Variants in NOL10 observed in about 807,000 individuals in gnomAD.
The protein encoded by NOL10 is nucleolar protein 10, also known as H_NH0074G24.1.
In NOL10, 58 loss-of-function variants were observed where a neutral mutation model predicts 103.5. The ratio of observed to expected loss-of-function variants is 0.56; its 90% CI spans 0.45 to 0.70. The LOEUF is 0.70. Among genes scored for constraint, NOL10 ranks in the 30% least tolerant of loss-of-function variants. NOL10 has a pLI of 0.00. For missense variants in NOL10, 763 were observed against 807.3 expected, an observed-to-expected ratio of 0.95 and a Z score of 0.67; for synonymous variants, 287 against 282.5, an observed-to-expected ratio of 1.02 and a Z score of -0.16.
At chr2:10,630,199 C>T (rs1677741434) in intron 13 of NOL10, among the ~76,000 whole-genome samples, 1 of 152,220 alleles carries the variant, frequency 6.6e-6, no homozygotes, top group Non-Finnish European at 1.5e-5. Context: ...TATATCCATT[C>T]TACATAAATG....
chr2:10,671,401 TTTC>T (rs1040576964), intron 6 of NOL10, among the ~76,000 whole-genome samples, 150 bp downstream of exon 6: 154 of 146,692 alleles, frequency 1.0e-3, no homozygotes, highest in African/African-American at 3.9e-3. Context: ...TATCCTGTGT[TTTC>T]TTTTCTTTTT....
intron 13 of NOL10, among the ~76,000 whole-genome samples, chr2:10,628,680 A>G (rs1367139573): frequency 6.6e-6 from 1 of 152,196 alleles, no homozygotes; most frequent in Non-Finnish European, 1.5e-5. Flanking sequence ...CAGATACAGC[A>G]GGAGACTTGC....
At chr2:10,630,542 C>T (rs940743151) in intron 13 of NOL10, among the ~76,000 whole-genome samples, 1 of 152,116 alleles carries the variant, frequency 6.6e-6, no homozygotes. Flanking sequence ...GAAACCCCGT[C>T]TCTACCAAAA....
At chr2:10,658,805 C>T (rs536540668) in intron 10 of NOL10, among the ~76,000 whole-genome samples, 47 of 152,264 alleles carry the variant, frequency 3.1e-4, no homozygotes, top group African/African-American at 8.9e-4. Context: ...TGGCCAAGCC[C>T]GGTGGCTCAC....
Position 10,689,913 on chromosome 2 carries a change from G to C in NOL10, c.-52C>G, listed in dbSNP as rs1190259083. ...CGGGTCCTTTCCCACCAGCGTGCTCGAGCACCGTAATCCCGGGACCTCCGA... is the reference window on the plus strand; with the variant it reads ...CGGGTCCTTTCCCACCAGCGTGCTCCAGCACCGTAATCCCGGGACCTCCGA... On this transcript the variant is annotated 5_prime_UTR_variant, in exon 1 of 21. Coordinates refer to ENST00000381685, the MANE Select transcript of NOL10 (RefSeq NM_024894.4). 2.6e-6 allele frequency: 4 copies of C among 1,541,070 alleles called. No homozygotes were observed. Among genetic ancestry groups the C allele is most frequent in the Middle Eastern group, 1.7e-4 (1 of 5,948 alleles).
At position 10,646,788 on chromosome 2, in the gene NOL10, TG is replaced by T. The variant is rs771638237; in HGVS notation, c.974-2417del. ...TCTACCAATTCCAAGGCTCATAACA[TG>T]GGACTCTGACACTTCATCAACTAAG... is the stretch of plus-strand genomic sequence containing the variant. On this transcript the variant is annotated intron_variant, in intron 12 of 20. Coordinates refer to ENST00000381685, the MANE Select transcript of NOL10 (RefSeq NM_024894.4). Among the ~76,000 whole-genome samples, 156 of 152,298 alleles carry T rather than the reference TG, an allele frequency of 1.0e-3. 1 individual carries two copies. Among genetic ancestry groups the T allele is most frequent in the Middle Eastern group, 3.4e-3 (1 of 294 alleles).
chr2:10,647,111 T>C (rs1044328328), intron 12 of NOL10, among the ~76,000 whole-genome samples: 1 of 152,214 alleles, frequency 6.6e-6, no homozygotes, highest in African/African-American at 2.4e-5. Context: ...CTATACATTT[T>C]TAAAGGAAGG....
intron 8 of NOL10, among the ~76,000 whole-genome samples, chr2:10,666,223 C>CT (rs1218862951): frequency 1.3e-5 from 2 of 152,054 alleles, no homozygotes; most frequent in African/African-American, 2.4e-5. Flanking sequence ...TTCTTTCATT[C>CT]TTTTTTGTGG....
chr2:10,685,508 G>T (rs56032636), intron 1 of NOL10, among the ~76,000 whole-genome samples: 2 of 3,912 alleles, frequency 5.1e-4, no homozygotes, highest in Middle Eastern at 0.1. Context: ...CCCCCCCCCC[G>T]CCAAAAAAAA....
chr2:10,636,437 A>C (rs1678228853), intron 13 of NOL10, among the ~76,000 whole-genome samples: 5 of 150,226 alleles, frequency 3.3e-5, no homozygotes, highest in Admixed American at 6.6e-5. Context: ...AAAAAAAAAA[A>C]AAAAAAAAAC....
At position 10,660,093 on chromosome 2, in the gene NOL10, G is replaced by A. The variant is rs144673416; in HGVS notation, c.678-843C>T. ...GGACAATATCACTATCAATCCTATCGTCCACATGCCCTTGGCCCAGGACCT... is the reference window on the plus strand; with the variant it reads ...GGACAATATCACTATCAATCCTATCATCCACATGCCCTTGGCCCAGGACCT... On this transcript the variant is annotated intron_variant, in intron 9 of 20. Transcript: ENST00000381685. Among the ~76,000 whole-genome samples, 653 of 152,162 alleles carry A rather than the reference G, an allele frequency of 4.3e-3. 9 individuals carry two copies. The highest frequency in any genetic ancestry group is 0.014 in the African/African-American group (594 of 41,516).
At chr2:10,636,559 A>G (rs1376949780) in intron 13 of NOL10, among the ~76,000 whole-genome samples, 5 of 151,760 alleles carry the variant, frequency 3.3e-5, no homozygotes, top group Admixed American at 3.3e-4. Context: ...GCAGTGAGCC[A>G]TGATCACACC....
chr2:10,653,665 G>A (rs75419580), intron 12 of NOL10, among the ~76,000 whole-genome samples: 30,726 of 151,892 alleles, frequency 0.2, 4,089 homozygotes, highest in Non-Finnish European at 0.3. Context: ...CACCCCAACC[G>A]AGCCCTCTGT....
chr2:10,636,420 CAAAAAAAAAA>C (rs70953327), intron 13 of NOL10, among the ~76,000 whole-genome samples: 3 of 54,696 alleles, frequency 5.5e-5, no homozygotes, highest in Non-Finnish European at 9.3e-5. Context: ...TACAAAAAAC[CAAAAAAAAAA>C]AAAAAAAAAA....
intron 12 of NOL10, among the ~76,000 whole-genome samples, chr2:10,653,437 T>C (rs1290143145): frequency 6.6e-6 from 1 of 152,120 alleles, no homozygotes; most frequent in Admixed American, 6.5e-5. Flanking sequence ...GCTCAGAATA[T>C]CAGTTACTTC....
At chr2:10,668,184 G>GTGA (rs1163234327) in intron 7 of NOL10, among the ~76,000 whole-genome samples, 1 of 152,116 alleles carries the variant, frequency 6.6e-6, no homozygotes, top group Non-Finnish European at 1.5e-5. Context: ...ATTATTTGTT[G>GTGA]TGATGATGAT....
intron 13 of NOL10, among the ~76,000 whole-genome samples, chr2:10,623,876 C>A (rs1304319840): frequency 6.6e-6 from 1 of 152,154 alleles, no homozygotes; most frequent in African/African-American, 2.4e-5. Flanking sequence ...ATGGCTAAAA[C>A]GCAAAAACAT....
Position 10,644,022 on chromosome 2 carries a change from G to C in NOL10, c.1026+298C>G, listed in dbSNP as rs3732113. 5.1e-4 allele frequency among the ~76,000 whole-genome samples: 77 copies of C among 152,262 alleles called. 2 individuals carry two copies. The East Asian group carries it at 0.013, about 26-fold the overall frequency. ...CCCAGCACTTTGGGAGGCCCAGGCA[G>C]GAGGATCACTTGAGGTCATGAGTTC... On this transcript the variant is annotated intron_variant, in intron 13 of 20. Coordinates refer to ENST00000381685, the MANE Select transcript of NOL10 (RefSeq NM_024894.4).
intron 16 of NOL10, among the ~76,000 whole-genome samples, chr2:10,601,372 C>T (rs951528941): frequency 6.6e-6 from 1 of 151,932 alleles, no homozygotes; most frequent in African/African-American, 2.4e-5. Context: ...CCAACTAATT[C>T]GTATTTTAAA....
Sources: allele counts gnomAD v4.1 joint callset (sites outside exome capture counted in the v4.1 genomes callset), GRCh38; gene constraint gnomAD v4.1.1; transcripts MANE v1.5; gene names NCBI Gene and HGNC (gene_info 2026-07-23, HGNC 2026-07-21).